The following PITPNB variants were observed in gnomAD, a reference collection of about 807,000 sequenced individuals.
The protein encoded by PITPNB is phosphatidylinositol transfer protein beta isoform.
In PITPNB, 16 loss-of-function variants were observed where a neutral mutation model predicts 45.9. The observed-to-expected ratio is 0.35, with a 90% CI of 0.24 to 0.53. The LOEUF (loss-of-function observed/expected upper bound fraction) is 0.53, where lower values mean the gene tolerates loss of function less well. Ranked by LOEUF, PITPNB falls within the 20% of genes least tolerant of loss-of-function variation. The pLI is 0.93. For missense variants in PITPNB, 188 were observed against 330.5 expected (o/e 0.57, Z 3.34); for synonymous variants, 112 against 108.9 (o/e 1.03, Z -0.18).
At chr22:27,904,892 A>C (rs1483227371) in intron 3 of PITPNB, among the ~76,000 whole-genome samples, 1 of 152,220 alleles carries the variant, frequency 6.6e-6, no homozygotes, top group African/African-American at 2.4e-5. Context: ...GAATTACAAA[A>C]AACAAAGAGA....
intron 7 of PITPNB, among the ~76,000 whole-genome samples, chr22:27,877,675 AG>A (rs1303228750): frequency 1.3e-5 from 2 of 152,220 alleles, no homozygotes; most frequent in Non-Finnish European, 2.9e-5. Flanking sequence ...CAAAAATGAA[AG>A]TACAAAATCT....
intron 7 of PITPNB, among the ~76,000 whole-genome samples, chr22:27,890,186 C>T (rs1293215319): frequency 1.3e-5 from 2 of 152,162 alleles, no homozygotes; most frequent in South Asian, 4.2e-4. Context: ...CTGGTCCTAG[C>T]TCTCCTGCCA....
chr22:27,908,026 T>C (rs543261225), intron 3 of PITPNB, among the ~76,000 whole-genome samples: 1 of 151,704 alleles, frequency 6.6e-6, no homozygotes, highest in East Asian at 2.0e-4. Context: ...ACTGAAAGCC[T>C]GAGAGGAATT....
chr22:27,889,906 G>T (rs1167684257), intron 7 of PITPNB, among the ~76,000 whole-genome samples: 1 of 152,238 alleles, frequency 6.6e-6, no homozygotes, highest in Non-Finnish European at 1.5e-5. Context: ...AGGGCAGAAT[G>T]AAATGAACTA....
chr22:27,902,039 T>C (rs1170834876), intron 3 of PITPNB, among the ~76,000 whole-genome samples: 2 of 152,024 alleles, frequency 1.3e-5, no homozygotes, highest in East Asian at 3.9e-4. Context: ...TCAGAACTTA[T>C]TTCCAGGGAT....
At chr22:27,904,775 A>G (rs1935709208) in intron 3 of PITPNB, among the ~76,000 whole-genome samples, 1 of 152,200 alleles carries the variant, frequency 6.6e-6, no homozygotes, top group Admixed American at 6.5e-5. Context: ...ATACAAGAGG[A>G]GGGAAATTAC....
At chr22:27,898,772 T>C (rs963834117) in intron 3 of PITPNB, among the ~76,000 whole-genome samples, 2 of 152,102 alleles carry the variant, frequency 1.3e-5, no homozygotes, top group Non-Finnish European at 2.9e-5. Context: ...AAGAGAAAGG[T>C]TCAATACATG....
At chr22:27,891,757 C>T (rs1935286968) in intron 7 of PITPNB, among the ~76,000 whole-genome samples, 4 of 152,146 alleles carry the variant, frequency 2.6e-5, no homozygotes, top group Admixed American at 2.6e-4. Flanking sequence ...CCAAGGCCTC[C>T]CCAGCCATGC....
intron 7 of PITPNB, among the ~76,000 whole-genome samples, chr22:27,887,326 G>A (rs1411434858): frequency 6.6e-6 from 1 of 152,144 alleles, no homozygotes. Flanking sequence ...TCCTAGTACA[G>A]GCCCAGACAT....
chr22:27,855,974 C>T (rs1422784101), intron 10 of PITPNB, among the ~76,000 whole-genome samples: 2 of 152,174 alleles, frequency 1.3e-5, no homozygotes, highest in Non-Finnish European at 2.9e-5. Context: ...GGCCTGCAGG[C>T]TTGATGCTGC....
chr22:27,913,364 C>G (rs1240274765), intron 2 of PITPNB, among the ~76,000 whole-genome samples: 4 of 152,244 alleles, frequency 2.6e-5, no homozygotes, highest in Non-Finnish European at 5.9e-5. Context: ...TTCCAAGTCA[C>G]TGCTTCTAAT....
At chr22:27,856,540 G>A (rs1258767527) in intron 10 of PITPNB, among the ~76,000 whole-genome samples, 1 of 152,170 alleles carries the variant, frequency 6.6e-6, no homozygotes, top group Non-Finnish European at 1.5e-5. Context: ...CTGTCCAAGG[G>A]GTCCAGAGAT....
chr22:27,876,164 C>T (rs2146369881), intron 7 of PITPNB, among the ~76,000 whole-genome samples: 1 of 152,240 alleles, frequency 6.6e-6, no homozygotes, highest in Admixed American at 6.5e-5. Flanking sequence ...AGCCTCAGTC[C>T]TGGGCACATT....
At chr22:27,854,598 G>GT (rs1648969497) in intron 11 of PITPNB, among the ~76,000 whole-genome samples, 1 of 152,186 alleles carries the variant, frequency 6.6e-6, no homozygotes, top group Non-Finnish European at 1.5e-5. Context: ...TACATGATGA[G>GT]TAACAGCACC....
intron 7 of PITPNB, among the ~76,000 whole-genome samples, chr22:27,893,773 T>C (rs1935358556): frequency 6.6e-6 from 1 of 152,114 alleles, no homozygotes; most frequent in East Asian, 1.9e-4. Context: ...TTTTTCTTTT[T>C]AGAGACAGGA....
Position 27,867,833 on chromosome 22 carries a change from G to GAT in PITPNB, c.534+5903_534+5904dup, listed in dbSNP as rs561159266. On this transcript the variant is annotated intron_variant, in intron 8 of 11. Transcript: ENST00000335272. ...GAGAACAGAGACATTCCATAGCCAA[G>GAT]ATAAGGTTAGAATTAATCAGTTTCA... Among the ~76,000 whole-genome samples the GAT allele has an allele frequency of 7.4e-4, 112 of 152,280 alleles. 2 individuals are homozygous for GAT. In the East Asian group the frequency reaches 0.017, roughly 23 times the overall value.
At position 27,853,541 on chromosome 22, in the gene PITPNB, G is replaced by C. The variant is rs1934087320; in HGVS notation, c.*161C>G. On this transcript the variant is annotated 3_prime_UTR_variant, in exon 12 of 12. Coordinates refer to ENST00000335272, the MANE Select transcript of PITPNB (RefSeq NM_012399.5). ...TATACACACGTGGTTGAGAACCTGT[G>C]CATGTGTGTGTATCATCACAAGCAC... 1 of 1,160,266 alleles carries C rather than the reference G, an allele frequency of 8.6e-7. No homozygotes were observed. 71.9% of individuals were successfully genotyped at this position (1,160,266 alleles called of 1,614,324 possible). A position where few individuals can be genotyped will look rare whatever the true frequency, so the allele number is the denominator to read the frequency against.
At chr22:27,879,018 C>A (rs569776315) in intron 7 of PITPNB, among the ~76,000 whole-genome samples, 1 of 152,074 alleles carries the variant, frequency 6.6e-6, no homozygotes, top group Non-Finnish European at 1.5e-5. Context: ...AAATCTACAC[C>A]CCTGAACATA....
At chr22:27,866,510 C>T (rs909231346) in intron 8 of PITPNB, among the ~76,000 whole-genome samples, 1 of 152,112 alleles carries the variant, frequency 6.6e-6, no homozygotes, top group Non-Finnish European at 1.5e-5. Context: ...GAATCTGTGA[C>T]AAACAAATAT....
Sources: allele counts gnomAD v4.1 joint callset (sites outside exome capture counted in the v4.1 genomes callset), GRCh38; gene constraint gnomAD v4.1.1; transcripts MANE v1.5; gene names NCBI Gene and HGNC (gene_info 2026-07-23, HGNC 2026-07-21).